The following KCNJ6 variants were observed in gnomAD, a reference collection of about 807,000 sequenced individuals.
The protein encoded by KCNJ6 is G protein-activated inward rectifier potassium channel 2.
KCNJ6 carries 9 observed loss-of-function variants against 34.2 expected under a neutral mutation model. The ratio of observed to expected loss-of-function variants is 0.26; its 90% CI spans 0.16 to 0.46. The LOEUF (loss-of-function observed/expected upper bound fraction) is 0.46. Among genes scored for constraint, KCNJ6 ranks in the 20% least tolerant of loss-of-function variants. KCNJ6 has a pLI of 1.00. For missense variants in KCNJ6, 236 were observed against 531.3 expected, an observed-to-expected ratio of 0.44 and a Z score of 5.46; for synonymous variants, 196 against 207.1, an observed-to-expected ratio of 0.95 and a Z score of 0.46.
chr21:37,716,297 T>C (rs1387283421), intron 2 of KCNJ6, among the ~76,000 whole-genome samples: 1 of 152,236 alleles, frequency 6.6e-6, no homozygotes, highest in Non-Finnish European at 1.5e-5. Context: ...TGCTTACATA[T>C]TTGATTTGGT....
rs1474668975 is a variant in KCNJ6 at position 37,676,272 on chromosome 21, T to C, written c.946+37939A>G. 2.0e-5 allele frequency among the ~76,000 whole-genome samples: 3 copies of C among 152,196 alleles called. No individual in the cohort carries two copies. In the East Asian group the frequency reaches 5.8e-4, roughly 29 times the overall value. ...GGGTCCTTTCTCCAGGAGGTGGTCCTGGCATGGGCCAGGTGTGAGTCCCGT... is the reference window on the plus strand; with the variant it reads ...GGGTCCTTTCTCCAGGAGGTGGTCCCGGCATGGGCCAGGTGTGAGTCCCGT... On this transcript the variant is annotated intron_variant, in intron 3 of 3. Transcript: ENST00000609713.
chr21:37,732,164 G>A (rs2054888843), intron 2 of KCNJ6, among the ~76,000 whole-genome samples: 1 of 146,486 alleles, frequency 6.8e-6, no homozygotes, highest in South Asian at 2.2e-4. Context: ...GATCTCCCAG[G>A]GATTGGGAAG....
intron 1 of KCNJ6, among the ~76,000 whole-genome samples, chr21:37,860,600 C>T (rs1347015111): frequency 6.6e-6 from 1 of 152,160 alleles, no homozygotes; most frequent in Non-Finnish European, 1.5e-5. Context: ...CCTAGGCTCC[C>T]TCCACCCTCA....
intron 2 of KCNJ6, among the ~76,000 whole-genome samples, chr21:37,781,743 G>C (rs1483640622): frequency 6.6e-6 from 1 of 152,134 alleles, no homozygotes; most frequent in Non-Finnish European, 1.5e-5. Flanking sequence ...TAGTATTTTA[G>C]GTCAAGATTC....
At chr21:37,685,680 CCA>C (rs1455166806) in intron 3 of KCNJ6, among the ~76,000 whole-genome samples, 11 of 17,452 alleles carry the variant, frequency 6.3e-4, no homozygotes, top group East Asian at 6.3e-3. Context: ...GACTCTGTCT[CCA>C]AAAAAAAAAA....
chr21:37,758,724 A>T (rs1360679884), intron 2 of KCNJ6, among the ~76,000 whole-genome samples: 1 of 151,968 alleles, frequency 6.6e-6, no homozygotes, highest in Non-Finnish European at 1.5e-5. Context: ...TGCAACCTTG[A>T]CCCTCTTGGG....
At chr21:37,679,959 T>C (rs1272501132) in intron 3 of KCNJ6, among the ~76,000 whole-genome samples, 1 of 152,208 alleles carries the variant, frequency 6.6e-6, no homozygotes, top group East Asian at 1.9e-4. Flanking sequence ...ATTCCCTATG[T>C]CAGCAGAAGG....
At position 37,819,246 on chromosome 21, in the gene KCNJ6, G is replaced by GA. The variant is rs11300688; in HGVS notation, c.25+21411dup. Among the ~76,000 whole-genome samples the GA allele has an allele frequency of 1.7e-3, 257 of 148,864 alleles. 2 individuals carry two copies. Among genetic ancestry groups the GA allele is most frequent in the African/African-American group, 5.8e-3 (234 of 40,576 alleles). On this transcript the variant is annotated intron_variant, in intron 2 of 3. Transcript: ENST00000609713. ...AACTGTTTTGCCTGAAATGCTCTGG[G>GA]AAAAAAAAAAATGTAGGATCAGATC...
At chr21:37,795,569 A>C (rs1233755971) in intron 2 of KCNJ6, among the ~76,000 whole-genome samples, 5 of 152,100 alleles carry the variant, frequency 3.3e-5, no homozygotes, top group Non-Finnish European at 5.9e-5. Context: ...ACATGGTGAA[A>C]ACCCGTCTCT....
At chr21:37,644,265 C>A (rs1569436153) in intron 3 of KCNJ6, among the ~76,000 whole-genome samples, 1 of 152,074 alleles carries the variant, frequency 6.6e-6, no homozygotes, top group Non-Finnish European at 1.5e-5. Flanking sequence ...GGAAAAATAA[C>A]CAATGGGTGT....
At chr21:37,770,002 A>G (rs1235355728) in intron 2 of KCNJ6, among the ~76,000 whole-genome samples, 1 of 152,196 alleles carries the variant, frequency 6.6e-6, no homozygotes, top group African/African-American at 2.4e-5. Flanking sequence ...CTGTGAGAAC[A>G]TACATTTCTA....
chr21:37,759,812 T>C (rs1489314566), intron 2 of KCNJ6, among the ~76,000 whole-genome samples: 1 of 152,236 alleles, frequency 6.6e-6, no homozygotes, highest in Non-Finnish European at 1.5e-5. Context: ...TCCTTTTGAG[T>C]GTGGGCTGGA....
At chr21:37,719,436 A>G (rs147938698) in intron 2 of KCNJ6, 1 of 152,308 alleles carries the variant, frequency 6.6e-6, no homozygotes, top group East Asian at 1.9e-4. Context: ...TTGGGAGAGC[A>G]GACATTTCTC....
intron 3 of KCNJ6, among the ~76,000 whole-genome samples, chr21:37,644,005 A>C (rs953187593): frequency 6.6e-6 from 1 of 152,228 alleles, no homozygotes; most frequent in Non-Finnish European, 1.5e-5. Context: ...TTGGATAAAG[A>C]AAATGTGGTA....
chr21:37,782,246 C>A (rs1437365870), intron 2 of KCNJ6, among the ~76,000 whole-genome samples: 2 of 152,066 alleles, frequency 1.3e-5, no homozygotes, highest in Non-Finnish European at 2.9e-5. Flanking sequence ...CCTGAGAAAC[C>A]CCAGAAGGAA....
At chr21:37,663,689 A>C (rs1000626797) in intron 3 of KCNJ6, among the ~76,000 whole-genome samples, 2 of 152,242 alleles carry the variant, frequency 1.3e-5, no homozygotes, top group African/African-American at 4.8e-5. Context: ...TCACCAGGAG[A>C]AGAATACTGA....
intron 2 of KCNJ6, among the ~76,000 whole-genome samples, chr21:37,797,024 A>G (rs1188795182): frequency 6.6e-6 from 1 of 151,068 alleles, no homozygotes; most frequent in Admixed American, 6.6e-5. Context: ...CGATCTCCTG[A>G]CCTCATGATC....
At chr21:37,712,941 G>A (rs902779127) in intron 3 of KCNJ6, among the ~76,000 whole-genome samples, 5 of 151,912 alleles carry the variant, frequency 3.3e-5, no homozygotes, top group East Asian at 2.0e-4. Flanking sequence ...GCTACTTTCC[G>A]ATTAGGTTCC....
At chr21:37,785,024 T>C (rs182183794) in intron 2 of KCNJ6, among the ~76,000 whole-genome samples, 233 of 152,290 alleles carry the variant, frequency 1.5e-3, no homozygotes, top group Middle Eastern at 3.4e-3. Context: ...TGAGAGCAAG[T>C]GTTTTAAGTA....
Sources: allele counts gnomAD v4.1 joint callset (sites outside exome capture counted in the v4.1 genomes callset), GRCh38; gene constraint gnomAD v4.1.1; transcripts MANE v1.5; gene names NCBI Gene and HGNC (gene_info 2026-07-23, HGNC 2026-07-21).